TAF5L: variants seen among roughly 807,000 people sequenced by gnomAD.
TAF5L encodes TAF5-like RNA polymerase II p300/CBP-associated factor-associated factor 65 kDa subunit 5L.
Under a neutral mutation model 51.3 loss-of-function variants are expected in TAF5L, and 7 were observed. The observed-to-expected ratio is 0.14, with a 90% confidence interval of 0.08 to 0.26. The LOEUF (loss-of-function observed/expected upper bound fraction) is 0.26, where lower values mean the gene tolerates loss of function less well. Ranked by LOEUF, TAF5L falls within the 10% of genes least tolerant of loss-of-function variation. TAF5L has a pLI of 1.00. For synonymous variants in TAF5L, 291 were observed against 308.1 expected (o/e 0.94, Z 0.58); for missense variants, 575 against 758.9 (o/e 0.76, Z 2.85).
chr1:229,619,862 C>T (rs1182420692), intron 1 of TAF5L, among the ~76,000 whole-genome samples: 2 of 152,162 alleles, frequency 1.3e-5, no homozygotes, highest in African/African-American at 4.8e-5. Context: ...CTGTCTGCCA[C>T]TGCTTCTTCA....
At position 229,602,783 on chromosome 1, in the gene TAF5L, C is replaced by T; in HGVS notation, c.384G>A (p.Leu128=). 1.2e-6 allele frequency: 2 copies of T among 1,614,124 alleles called. No individual in the cohort carries two copies. Among genetic ancestry groups the T allele is most frequent in the Non-Finnish European group, 1.7e-6 (2 of 1,180,042 alleles). Residue 128 remains leucine, a synonymous_variant, in exon 4 of 5, where the codon CTG becomes CTA. Transcript: ENST00000258281. This position sits in a 1 kb window ranked among gnomAD's most constrained non-coding sequence, Gnocchi z 4.6. ...TGACATCCTTCTGGCTAGCATTCTG[C>T]AGAAACATTCCATGGAAGCGGCTGT...
In TAF5L at chr1:229,594,528, G is replaced by T; in HGVS notation, c.1539C>A (p.Ile513=). The T allele has an allele frequency of 6.2e-7, 1 of 1,614,146 alleles. No individual in the cohort carries two copies. The highest frequency in any genetic ancestry group is 8.5e-7 in the Non-Finnish European group (1 of 1,179,980). ...TGTCTGGACTGAAGGTGAGGCTGGT[G>T]ATATTGTCTGTGTGGCCTCTCAACT... The change falls in exon 5 of 5, where the codon ATC becomes ATA. Residue 513 remains isoleucine, a synonymous_variant. Transcript: ENST00000258281. This position sits in a 1 kb window ranked among gnomAD's most constrained non-coding sequence, Gnocchi z 7.9.
intron 3 of TAF5L, chr1:229,607,170 A>G (rs2102752741): frequency 6.1e-6 from 6 of 985,372 alleles, no homozygotes; most frequent in Non-Finnish European, 7.2e-6. Context: ...TTAAAGCCTG[A>G]GCCATCGTCA....
chr1:229,595,029 G>A (rs1664066633), exon 5 of TAF5L: 1 of 1,613,952 alleles, frequency 6.2e-7, no homozygotes, highest in African/African-American at 1.3e-5. Flanking sequence ...ACCTCGTGCT[G>A]TACACTGGTC....
intron 3 of TAF5L, among the ~76,000 whole-genome samples, chr1:229,604,282 T>A (rs1159736003): frequency 6.6e-6 from 1 of 152,126 alleles, no homozygotes; most frequent in Non-Finnish European, 1.5e-5. Flanking sequence ...CTGCATGTTA[T>A]TTCTGCTTAA....
chr1:229,599,936 T>C (rs770531643), intron 4 of TAF5L: 23 of 985,512 alleles, frequency 2.3e-5, no homozygotes, highest in Non-Finnish European at 2.8e-5. Flanking sequence ...TACATAGTGA[T>C]TTTGTACTTT....
chr1:229,607,427 A>C, intron 3 of TAF5L: 1 of 985,430 alleles, frequency 1.0e-6, no homozygotes. Context: ...CATTCACAAC[A>C]AAGCCTTAGT....
rs777759268 is a variant in TAF5L at position 229,594,870 on chromosome 1, G to A, written c.1197C>T (p.Phe399=). ...CGGTGCGGTCGTGGGACCCGCTGGC[G>A]AAGTACAGGCTATATGGACTGATGT... Residue 399 remains phenylalanine, a synonymous_variant, in exon 5 of 5, where the codon TTC becomes TTT. Coordinates refer to ENST00000258281, the Ensembl canonical transcript of TAF5L. This position sits in a 1 kb window ranked among gnomAD's most constrained non-coding sequence, Gnocchi z 7.9. 91 of 1,614,078 alleles carry A rather than the reference G, an allele frequency of 5.6e-5. No individual in the cohort carries two copies. The highest frequency in any genetic ancestry group is 6.6e-5 in the Non-Finnish European group (78 of 1,180,042).
chr1:229,621,435 T>C (rs1232655879), intron 1 of TAF5L, among the ~76,000 whole-genome samples: 1 of 152,240 alleles, frequency 6.6e-6, no homozygotes, highest in African/African-American at 2.4e-5. Flanking sequence ...ACTGGGAGGA[T>C]ATCTTCTTTG....
At position 229,625,843 on chromosome 1, in the gene TAF5L, G is replaced by A. The variant is rs1281557312; in HGVS notation, c.-4+42C>T. On this transcript the variant is annotated intron_variant, in intron 1 of 4. Coordinates refer to ENST00000258281, the Ensembl canonical transcript of TAF5L. This position sits in a 1 kb window ranked among gnomAD's most constrained non-coding sequence, Gnocchi z 4.0. The stretch of plus-strand genomic sequence containing the variant: ...GCCCGCCCGCGCGCGCGCGCGCCTC[G>A]CGACCCTCCCGGCCCTCCCCGCCCG... 1.6e-5 allele frequency: 2 copies of A among 121,284 alleles called. No homozygotes were observed. Among genetic ancestry groups the A allele is most frequent in the African/African-American group, 6.1e-5 (2 of 32,700 alleles). 7.5% of individuals were successfully genotyped at this position (121,284 alleles called of 1,614,324 possible). A position where few individuals can be genotyped will look rare whatever the true frequency, so the allele number is the denominator to read the frequency against.
At chr1:229,603,070 T>C in intron 3 of TAF5L, 151 bp from the exon 4 acceptor site, 2 of 1,385,162 alleles carry the variant, frequency 1.4e-6, no homozygotes, top group Non-Finnish European at 9.4e-7. Context: ...AACACAGGAT[T>C]CTGGAATTTC....
Position 229,602,553 on chromosome 1 carries a change from G to A in TAF5L, c.614C>T (p.Thr205Ile), listed in dbSNP as rs1664421310. 6.2e-7 allele frequency: 1 copy of A among 1,614,102 alleles called. No homozygotes were observed. The highest frequency in any genetic ancestry group is 8.5e-7 in the Non-Finnish European group (1 of 1,180,042). The stretch of plus-strand genomic sequence containing the variant: ...GCCACTGGCATACAGCTGATAGTCT[G>A]TTCTCTTGGCAGGCTGCACGTCAAG... Residue 205 changes from threonine (T) to isoleucine (I), a missense_variant, in exon 4 of 5, where the codon ACA becomes ATA. This residue lies in a region of TAF5L where 380 missense variants were observed against 443.7 expected (regional missense o/e 0.86). Coordinates refer to ENST00000258281, the Ensembl canonical transcript of TAF5L. The surrounding 1 kb of genome is among the most constrained non-coding windows in gnomAD (Gnocchi z 4.6).
chr1:229,620,007 C>T (rs12566279), intron 1 of TAF5L, among the ~76,000 whole-genome samples: 19,526 of 152,078 alleles, frequency 0.13, 1,925 homozygotes, highest in East Asian at 0.42. Context: ...AATGGTGCCA[C>T]TATCCACCAT....
chr1:229,614,926 C>A (rs1310370852), intron 1 of TAF5L, among the ~76,000 whole-genome samples: 1 of 151,998 alleles, frequency 6.6e-6, no homozygotes, highest in East Asian at 1.9e-4. Context: ...GGAGGCAGTG[C>A]CAAATCAAAG....
At chr1:229,618,520 T>C (rs1374427402) in intron 1 of TAF5L, among the ~76,000 whole-genome samples, 1 of 152,216 alleles carries the variant, frequency 6.6e-6, no homozygotes, top group Non-Finnish European at 1.5e-5. Flanking sequence ...ATATCTATTC[T>C]CATGTATCAA....
intron 3 of TAF5L, chr1:229,606,618 T>A: frequency 2.0e-6 from 2 of 985,462 alleles, no homozygotes; most frequent in Non-Finnish European, 2.4e-6. Context: ...TACTTGGTCC[T>A]GTCGTCACTC....
At position 229,602,336 on chromosome 1, in the gene TAF5L, G is replaced by A. The variant is rs749691348; in HGVS notation, c.831C>T (p.Ser277=). The stretch of plus-strand genomic sequence containing the variant: ...CAGCAGCAAGCAGCTTGCTATCGGG[G>A]GAGATTTCTGCAGTGTTCAACAGCT... The change falls in exon 4 of 5, where the codon TCC becomes TCT. Residue 277 remains serine, a synonymous_variant. Transcript: ENST00000258281. This position sits in a 1 kb window ranked among gnomAD's most constrained non-coding sequence, Gnocchi z 4.6. 6 of 1,614,162 alleles carry A rather than the reference G, an allele frequency of 3.7e-6. No homozygotes were observed. The East Asian group carries it at 1.1e-4, about 30-fold the overall frequency.
chr1:229,614,118 G>T, intron 2 of TAF5L: 1 of 714,922 alleles, frequency 1.4e-6, no homozygotes, highest in South Asian at 1.7e-5. Flanking sequence ...ACTTTAGCCA[G>T]GGGAATCACA....
At chr1:229,613,823 G>A (rs1315622320) in intron 2 of TAF5L, among the ~76,000 whole-genome samples, 6 of 151,868 alleles carry the variant, frequency 4.0e-5, no homozygotes, top group African/African-American at 7.3e-5. Flanking sequence ...AAATAGAATC[G>A]GATTTCAAAA....
Sources: allele counts gnomAD v4.1 joint callset (sites outside exome capture counted in the v4.1 genomes callset), GRCh38; gene constraint gnomAD v4.1.1; regional missense constraint gnomAD v4.1.1; non-coding constraint Gnocchi (gnomAD v3.1); transcripts MANE v1.5; gene names NCBI Gene and HGNC (gene_info 2026-07-23, HGNC 2026-07-21).